RTN4IP1: variants seen among roughly 807,000 people sequenced by gnomAD.
RTN4IP1 encodes NAD(P)H oxidoreductase RTN4IP1, mitochondrial.
A neutral mutation model predicts 46.6 loss-of-function variants in RTN4IP1; 32 were observed. The ratio of observed to expected loss-of-function variants is 0.69; its 90% CI spans 0.52 to 0.92. The LOEUF (loss-of-function observed/expected upper bound fraction) is 0.92, where lower values mean the gene tolerates loss of function less well. RTN4IP1 is among the 40% of genes least tolerant of loss of function. The pLI is 0.00. For synonymous variants in RTN4IP1, 167 were observed against 161.8 expected (o/e 1.03, Z -0.24); for missense variants, 424 against 485.8 (o/e 0.87, Z 1.20).
intron 6 of RTN4IP1, among the ~76,000 whole-genome samples, chr6:106,590,512 C>T (rs561637337): frequency 3.3e-5 from 5 of 151,500 alleles, no homozygotes; most frequent in South Asian, 2.1e-4. Context: ...GTCAGGAGTT[C>T]GAGACCAGCC....
rs532549381 is a variant in RTN4IP1, at chr6:106,618,763, T to C, written c.620+439A>G. Among the ~76,000 whole-genome samples the C allele has an allele frequency of 4.6e-5, 7 of 152,292 alleles. No individual in the cohort carries two copies. The South Asian group carries it at 1.5e-3, about 32-fold the overall frequency. ...ATTCAATAGTTGTGCAGTCCCTTTA[T>C]AGAAATATGCAAGTGTGAGAATAAC... On this transcript the variant is annotated intron_variant, in intron 4 of 8. Coordinates refer to ENST00000369063, the MANE Select transcript of RTN4IP1 (RefSeq NM_032730.5).
chr6:106,573,004 A>G (rs901297591), intron 8 of RTN4IP1, among the ~76,000 whole-genome samples: 2 of 152,220 alleles, frequency 1.3e-5, no homozygotes, highest in East Asian at 1.9e-4. Context: ...CTTCGAGAAT[A>G]CTTGGCCCAG....
rs1349148947 is a variant in RTN4IP1 at position 106,621,431 on chromosome 6, C to T, written c.489G>A (p.Gly163=). The change falls in exon 3 of 9, where the codon GGG becomes GGA. Residue 163 remains glycine, a synonymous_variant. Transcript: ENST00000369063. ...AGCAGAGTTGGTAAGTTACCTCATT[C>T]CCACTGACTACAACAAACTCTGAAA... ...GTLSEFVVVS[G]NEVSHKPKSL... 1 of 1,612,764 alleles carries T rather than the reference C, an allele frequency of 6.2e-7. No homozygotes were observed. The highest frequency in any genetic ancestry group is 8.5e-7 in the Non-Finnish European group (1 of 1,178,826).
At chr6:106,612,097 T>C (rs1257638314) in intron 4 of RTN4IP1, among the ~76,000 whole-genome samples, 1 of 152,130 alleles carries the variant, frequency 6.6e-6, no homozygotes, top group Non-Finnish European at 1.5e-5. Context: ...GGAAAAATGC[T>C]TGTGATGGGC....
At chr6:106,577,467 A>AAG (rs1169545941) in intron 8 of RTN4IP1, among the ~76,000 whole-genome samples, 1 of 150,868 alleles carries the variant, frequency 6.6e-6, no homozygotes, top group African/African-American at 2.4e-5. Context: ...AAAAAAAAAA[A>AAG]AAAAAGATCT....
At chr6:106,602,987 C>T in intron 4 of RTN4IP1, 65 bp from the exon 5 acceptor site, 4 of 1,147,830 alleles carry the variant, frequency 3.5e-6, no homozygotes, top group Non-Finnish European at 5.0e-6. Context: ...TAAACGTTTT[C>T]AACAAATAAC....
intron 4 of RTN4IP1, among the ~76,000 whole-genome samples, chr6:106,610,363 G>A (rs1220919525): frequency 1.3e-5 from 2 of 151,878 alleles, no homozygotes; most frequent in Admixed American, 6.6e-5. Flanking sequence ...CGCACCCGGC[G>A]GCAAAATAAA....
In RTN4IP1 at chr6:106,628,939, G is replaced by C. The variant is rs745696702; in HGVS notation, c.83C>G (p.Pro28Arg). The part of the protein sequence containing the change: ...CFWRSKVVQK[P>R]SVRRISTTSP... ...GGTAGTACTAATCCTTCTAACTGAA[G>C]GCTTTTGGACAACTTTGCTTCTCCA... Residue 28 changes from proline (P) to arginine (R), a missense_variant, in exon 1 of 9, where the codon CCT becomes CGT. Coordinates refer to ENST00000369063, the MANE Select transcript of RTN4IP1 (RefSeq NM_032730.5). 6.2e-7 allele frequency: 1 copy of C among 1,613,958 alleles called. No individual in the cohort carries two copies. Among genetic ancestry groups the C allele is most frequent in the Non-Finnish European group, 8.5e-7 (1 of 1,180,004 alleles).
chr6:106,602,579 T>G (rs1775973476), intron 5 of RTN4IP1, among the ~76,000 whole-genome samples: 1 of 152,146 alleles, frequency 6.6e-6, no homozygotes, highest in Non-Finnish European at 1.5e-5. Flanking sequence ...ACACACCCAC[T>G]CATATTAAAC....
intron 5 of RTN4IP1, among the ~76,000 whole-genome samples, chr6:106,592,721 C>T (rs1017357110): frequency 3.2e-4 from 49 of 152,152 alleles, no homozygotes; most frequent in African/African-American, 1.1e-3. Flanking sequence ...GTCAGGAGTT[C>T]GAGACCAGCC....
In RTN4IP1 at chr6:106,592,256, T is replaced by C. The variant is rs141805087; in HGVS notation, c.714A>G (p.Gln238=). ...WDAHVTAVCS[Q]DASELVRKLG... ...GCTTCCTTACAAGTTCACTGGCATC[T>C]TGGGAGCAAACTGCTGTCACATGAG... The change falls in exon 6 of 9, where the codon CAA becomes CAG. Residue 238 remains glutamine, a synonymous_variant. Transcript: ENST00000369063. 5.9e-5 allele frequency: 96 copies of C among 1,614,146 alleles called. No individual in the cohort carries two copies. In the African/African-American group the frequency reaches 1.1e-3, roughly 19 times the overall value.
chr6:106,604,859 C>G (rs1476772184), intron 4 of RTN4IP1, among the ~76,000 whole-genome samples: 1 of 152,166 alleles, frequency 6.6e-6, no homozygotes, highest in Non-Finnish European at 1.5e-5. Flanking sequence ...CATGCACCTG[C>G]ACCTTATTAC....
At position 106,628,865 on chromosome 6, in the gene RTN4IP1, T is replaced by C; in HGVS notation, c.157A>G (p.Lys53Glu). Residue 53 changes from lysine (K) to glutamate (E), a missense_variant, in exon 1 of 9, where the codon AAG becomes GAG. By Grantham distance (56) the Lys-to-Glu change is moderately conservative (BLOSUM62 1). Transcript: ENST00000369063. Reference protein sequence around the residue: ...MPAWVIDKYGKNEVLRFTQNM... With the variant: ...MPAWVIDKYGENEVLRFTQNM... ...TGAGTGAATCGAAGCACTTCATTCT[T>C]CCCATATTTATCTATCACCCAAGCA... is the stretch of plus-strand genomic sequence containing the variant. 1 of 1,614,148 alleles carries C rather than the reference T, an allele frequency of 6.2e-7. No individual in the cohort carries two copies. The highest frequency in any genetic ancestry group is 1.1e-5 in the South Asian group (1 of 91,082).
chr6:106,612,014 C>T (rs1447279166), intron 4 of RTN4IP1, among the ~76,000 whole-genome samples: 3 of 152,136 alleles, frequency 2.0e-5, no homozygotes, highest in Non-Finnish European at 4.4e-5. Context: ...GAATGTATCC[C>T]CCCAAATGGG....
At chr6:106,608,140 T>C (rs981903341) in intron 4 of RTN4IP1, among the ~76,000 whole-genome samples, 1 of 152,200 alleles carries the variant, frequency 6.6e-6, no homozygotes, top group African/African-American at 2.4e-5. Flanking sequence ...AAGGTAATAC[T>C]ATTCAGCCAT....
At chr6:106,607,920 G>T (rs1037637908) in intron 4 of RTN4IP1, 1 of 152,142 alleles carries the variant, frequency 6.6e-6, no homozygotes, top group Non-Finnish European at 1.5e-5. Flanking sequence ...TATGGAAAAC[G>T]GTATGAAGTT....
chr6:106,586,454 C>T (rs964395888), intron 7 of RTN4IP1, among the ~76,000 whole-genome samples: 1 of 152,094 alleles, frequency 6.6e-6, no homozygotes, highest in African/African-American at 2.4e-5. Flanking sequence ...GGCTCACACC[C>T]TCTGTCTCCC....
chr6:106,578,685 C>T (rs1290238813), intron 8 of RTN4IP1, among the ~76,000 whole-genome samples: 2 of 152,110 alleles, frequency 1.3e-5, no homozygotes, highest in Non-Finnish European at 1.5e-5. Context: ...GGAGCAGCTG[C>T]GGGGAAAGAA....
At chr6:106,581,986 T>C (rs867946262) in intron 8 of RTN4IP1, among the ~76,000 whole-genome samples, 1 of 152,176 alleles carries the variant, frequency 6.6e-6, no homozygotes, top group Non-Finnish European at 1.5e-5. Context: ...TAAGCATTCC[T>C]GTGGGATGTG....
Sources: allele counts gnomAD v4.1 joint callset (sites outside exome capture counted in the v4.1 genomes callset), GRCh38; gene constraint gnomAD v4.1.1; transcripts MANE v1.5; gene names NCBI Gene and HGNC (gene_info 2026-07-23, HGNC 2026-07-21).